DEFB125: variants seen among roughly 807,000 people sequenced by gnomAD.
DEFB125 encodes beta-defensin 125.
In DEFB125, 11 loss-of-function variants were observed where a neutral mutation model predicts 11.8. That is an observed-to-expected ratio of 0.94 (90% CI 0.59 to 1.55). DEFB125 has a LOEUF of 1.55. Among genes scored for constraint, DEFB125 ranks in the 40% most tolerant of loss-of-function variants. DEFB125 has a pLI of 0.00. For missense variants in DEFB125, 198 were observed against 191.2 expected (o/e 1.04, Z -0.21); for synonymous variants, 79 against 66.7 (o/e 1.18, Z -0.90).
chr20:94,205 T>G (rs1428427014), intron 1 of DEFB125, among the ~76,000 whole-genome samples: 1 of 152,206 alleles, frequency 6.6e-6, no homozygotes. Flanking sequence ...CAATGTGTAA[T>G]GATCAAATCA....
rs1191532797 is a variant in DEFB125 at position 96,335 on chromosome 20, C to T, written c.389C>T (p.Pro130Leu). ...TTMPPSEATT[P>L]ETTMPPSETA... ...ATGCCACCATCTGAGGCCACTACTC[C>T]CGAGACTACTATGCCACCATCTGAG... The change falls in exon 2 of 2, where the codon CCC becomes CTC. Residue 130 changes from proline to leucine, a missense_variant. By Grantham distance (98) the Pro-to-Leu change is moderately conservative. Transcript: ENST00000382410. 6.2e-7 allele frequency: 1 copy of T among 1,613,280 alleles called. No individual in the cohort carries two copies. The highest frequency in any genetic ancestry group is 8.5e-7 in the Non-Finnish European group (1 of 1,179,452).
rs376030532 is a variant in DEFB125, at chr20:87,772, T to C, written c.58+5T>C. 3 of 1,612,900 alleles carry C rather than the reference T, an allele frequency of 1.9e-6. No homozygotes were observed. The highest frequency in any genetic ancestry group is 1.1e-5 in the South Asian group (1 of 91,058). ...TGCTAACTCGGGTGACCAAAGGTAA[T>C]GGAACCCTATAAAGCAGAGATGATG... On this transcript the variant is annotated splice_donor_5th_base_variant and intron_variant, in intron 1 of 1. Transcript: ENST00000382410.
At chr20:89,997 C>T (rs1371038421) in intron 1 of DEFB125, among the ~76,000 whole-genome samples, 12 of 152,082 alleles carry the variant, frequency 7.9e-5, no homozygotes, top group Admixed American at 7.2e-4. Flanking sequence ...CACCTGATGG[C>T]TTGTGAAGCA....
At chr20:87,807 A>C in intron 1 of DEFB125, 40 bp downstream of exon 1, 1 of 1,606,218 alleles carries the variant, frequency 6.2e-7, no homozygotes, top group Non-Finnish European at 8.5e-7. Context: ...GACTAGGATG[A>C]GTTGTTGCCC....
In DEFB125 at chr20:91,329, G is replaced by A. The variant is rs531910477; in HGVS notation, c.58+3562G>A. On this transcript the variant is annotated intron_variant, in intron 1 of 1. Transcript: ENST00000382410. ...TTTTTAGTTTGATGTAATCCTAATTGCCTATTTTTGCTTTGGTTGCCCGTG... is the reference window on the plus strand; with the variant it reads ...TTTTTAGTTTGATGTAATCCTAATTACCTATTTTTGCTTTGGTTGCCCGTG... Among the ~76,000 whole-genome samples the A allele has an allele frequency of 3.8e-4, 58 of 152,116 alleles. 1 individual carries two copies. The South Asian group carries it at 0.012, about 31-fold the overall frequency.
intron 1 of DEFB125, among the ~76,000 whole-genome samples, chr20:93,850 A>C (rs1011169783): frequency 6.6e-6 from 1 of 152,204 alleles, no homozygotes; most frequent in African/African-American, 2.4e-5. Context: ...AAGCTGGATA[A>C]ATAGTCCAGG....
intron 1 of DEFB125, among the ~76,000 whole-genome samples, chr20:89,521 ACT>A (rs766406743): frequency 3.2e-4 from 48 of 152,214 alleles, no homozygotes; most frequent in Non-Finnish European, 6.2e-4. Flanking sequence ...ATTTCCAATG[ACT>A]GTATAAATTT....
chr20:93,093 C>T (rs1163739813), intron 1 of DEFB125, among the ~76,000 whole-genome samples: 1 of 151,670 alleles, frequency 6.6e-6, no homozygotes, highest in Non-Finnish European at 1.5e-5. Context: ...GCCTCAGCAT[C>T]CTGAGTAGCT....
chr20:88,336 A>G (rs2054483739), intron 1 of DEFB125, among the ~76,000 whole-genome samples: 1 of 152,176 alleles, frequency 6.6e-6, no homozygotes, highest in Non-Finnish European at 1.5e-5. Flanking sequence ...GGGAGCTTCT[A>G]ATTTTAGATG....
chr20:87,715 T>C lies in DEFB125; in HGVS notation c.6T>C (p.Asn2=), dbSNP rs1374565837. 1 of 1,613,082 alleles carries C rather than the reference T, an allele frequency of 6.2e-7. No homozygotes were observed. The change falls in exon 1 of 2, where the codon AAT becomes AAC. Residue 2 remains asparagine (N), a synonymous_variant. Coordinates refer to ENST00000382410, the MANE Select transcript of DEFB125 (RefSeq NM_153325.4). M[N]ILMLTFIICG... Reference sequence around the variant, plus strand: ...CTTCCTCTCTCCCAGGAGCCATGAATATCCTGATGCTGACCTTCATTATCT... The same window carrying C: ...CTTCCTCTCTCCCAGGAGCCATGAACATCCTGATGCTGACCTTCATTATCT...
At chr20:92,114 A>C (rs1198937444) in intron 1 of DEFB125, among the ~76,000 whole-genome samples, 2 of 152,174 alleles carry the variant, frequency 1.3e-5, no homozygotes, top group African/African-American at 2.4e-5. Flanking sequence ...CATTAAGTTC[A>C]AATAAGGTTG....
chr20:93,527 C>T (rs2054504144), intron 1 of DEFB125, among the ~76,000 whole-genome samples: 1 of 152,020 alleles, frequency 6.6e-6, no homozygotes, highest in Admixed American at 6.6e-5. Context: ...ATGAAGTTAC[C>T]TTCATACTAC....
chr20:92,058 A>G (rs2122976407), intron 1 of DEFB125, among the ~76,000 whole-genome samples: 1 of 152,340 alleles, frequency 6.6e-6, no homozygotes, highest in South Asian at 2.1e-4. Context: ...TGAGCCTAAT[A>G]TATACATACA....
intron 1 of DEFB125, among the ~76,000 whole-genome samples, chr20:90,564 A>G (rs2054492588): frequency 6.6e-6 from 1 of 152,218 alleles, no homozygotes; most frequent in Non-Finnish European, 1.5e-5. Flanking sequence ...CACATAGTGC[A>G]TGATCCGCTT....
rs2054516127 is a variant in DEFB125, at chr20:96,413, A to C, written c.467A>C (p.Asn156Thr). ...CCTTCTCAGACAGCTCTTACTCATA[A>C]TTAATTAACATTTACTTCTGGTATG... The part of the protein sequence containing the change: ...PPPSQTALTH[N>T] Residue 156 changes from asparagine to threonine, a missense_variant, in exon 2 of 2, where the codon AAT becomes ACT. Coordinates refer to ENST00000382410, the MANE Select transcript of DEFB125 (RefSeq NM_153325.4). The C allele has an allele frequency of 6.2e-7, 1 of 1,605,910 alleles. No homozygotes were observed. Among genetic ancestry groups the C allele is most frequent in the East Asian group, 2.2e-5 (1 of 44,810 alleles).
intron 1 of DEFB125, among the ~76,000 whole-genome samples, chr20:95,310 T>C (rs1442826471): frequency 6.6e-6 from 1 of 152,162 alleles, no homozygotes; most frequent in Non-Finnish European, 1.5e-5. Flanking sequence ...AGTCCTCTTT[T>C]TTTCTCATAT....
intron 1 of DEFB125, among the ~76,000 whole-genome samples, chr20:91,052 T>A (rs1328850161): frequency 6.6e-6 from 1 of 152,232 alleles, no homozygotes; most frequent in Admixed American, 6.5e-5. Flanking sequence ...ATCCTTACCA[T>A]GTTTTTACCA....
At chr20:90,298 A>G (rs1000470901) in intron 1 of DEFB125, among the ~76,000 whole-genome samples, 10 of 152,212 alleles carry the variant, frequency 6.6e-5, no homozygotes, top group African/African-American at 1.4e-4. Context: ...ATTATGAATT[A>G]TTCCCAATTG....
chr20:94,880 A>C (rs1316847082), intron 1 of DEFB125, among the ~76,000 whole-genome samples: 4 of 152,114 alleles, frequency 2.6e-5, no homozygotes, highest in African/African-American at 9.7e-5. Flanking sequence ...TGTCTATTTC[A>C]CATAACGGAA....
Sources: gnomAD v4.1 joint callset for allele counts (sites outside exome capture counted in the v4.1 genomes callset) on GRCh38, gnomAD v4.1.1 for gene constraint, MANE v1.5 for transcripts, NCBI Gene and HGNC (gene_info 2026-07-23, HGNC 2026-07-21) for gene names.